TENM2: variants seen among roughly 807,000 people sequenced by gnomAD.
TENM2 encodes the protein teneurin transmembrane protein 2.
A neutral mutation model predicts 245.2 loss-of-function variants in TENM2; 52 were observed. That is an observed-to-expected ratio of 0.21 (90% confidence interval 0.17 to 0.27). TENM2 has a LOEUF of 0.27. Among genes scored for constraint, TENM2 ranks in the 10% least tolerant of loss-of-function variants. The pLI is 1.00. For missense variants in TENM2, 3,046 were observed against 3,666.8 expected (o/e 0.83, Z 4.37); for synonymous variants, 1,363 against 1,438.9 (o/e 0.95, Z 1.19).
chr5:168,237,500 C>T (rs1765609968), intron 25 of TENM2, among the ~76,000 whole-genome samples: 1 of 151,974 alleles, frequency 6.6e-6, no homozygotes. Context: ...CACCAGTTCC[C>T]AGGCTATTAC....
At chr5:168,099,348 A>C (rs899191107) in intron 9 of TENM2, among the ~76,000 whole-genome samples, 22 of 152,126 alleles carry the variant, frequency 1.4e-4, no homozygotes, top group Admixed American at 8.5e-4. Context: ...TTCCAATCCC[A>C]GCTCTGCCAT....
the TENM2 span, among the ~76,000 whole-genome samples, chr5:167,031,232 C>G: frequency 6.6e-6 from 1 of 152,220 alleles, no homozygotes; most frequent in African/African-American, 2.4e-5. Context: ...TGGGAACATT[C>G]ATTAGACGTG....
At chr5:168,111,449 C>T (rs1178313239) in intron 9 of TENM2, among the ~76,000 whole-genome samples, 1 of 152,090 alleles carries the variant, frequency 6.6e-6, no homozygotes, top group Non-Finnish European at 1.5e-5. Context: ...TGGGGGAGGG[C>T]TGTTCAGGTC....
At chr5:167,848,356 G>A (rs943608505) in intron 2 of TENM2, among the ~76,000 whole-genome samples, 13 of 152,028 alleles carry the variant, frequency 8.6e-5, no homozygotes, top group Admixed American at 7.2e-4. Flanking sequence ...TGGGGTTTGT[G>A]GTAAAGTGGA....
the TENM2 span, among the ~76,000 whole-genome samples, chr5:167,143,479 G>A: frequency 4.6e-3 from 693 of 152,252 alleles, 6 homozygotes; most frequent in African/African-American, 0.016. Context: ...TCTGGAACTG[G>A]AAATCTGTTA....
At chr5:167,271,421 T>C in the TENM2 span, among the ~76,000 whole-genome samples, 3 of 152,088 alleles carry the variant, frequency 2.0e-5, no homozygotes, top group Non-Finnish European at 4.4e-5. Context: ...ATGCTGTCTT[T>C]CTTGAATGTT....
intron 2 of TENM2, among the ~76,000 whole-genome samples, chr5:167,582,398 T>A (rs1405213240): frequency 6.6e-6 from 1 of 152,234 alleles, no homozygotes; most frequent in Admixed American, 6.5e-5. Context: ...ATATGTTTTA[T>A]GTGTTTATAA....
At chr5:168,173,839 A>G (rs1759081637) in intron 13 of TENM2, among the ~76,000 whole-genome samples, 1 of 152,224 alleles carries the variant, frequency 6.6e-6, no homozygotes, top group African/African-American at 2.4e-5. Flanking sequence ...AAGACTTCCA[A>G]AATAGGTACA....
intron 2 of TENM2, among the ~76,000 whole-genome samples, chr5:167,670,972 T>C (rs1459076): frequency 0.35 from 52,931 of 152,024 alleles, 12,465 homozygotes; most frequent in East Asian, 0.91. Context: ...AAGTCCCCTG[T>C]CACCAAATTA....
chr5:167,721,326 C>A (rs952760300), intron 2 of TENM2: 2 of 151,728 alleles, frequency 1.3e-5, no homozygotes, highest in Non-Finnish European at 2.9e-5. Context: ...CTTACATATT[C>A]TTTTTTTCTA....
intron 4 of TENM2, among the ~76,000 whole-genome samples, chr5:167,991,164 C>A (rs1783634713): frequency 6.6e-6 from 1 of 152,184 alleles, no homozygotes; most frequent in South Asian, 2.1e-4. Flanking sequence ...GTAACTGACA[C>A]ATTGTGAGTG....
At chr5:167,811,691 G>A (rs4869072) in intron 2 of TENM2, among the ~76,000 whole-genome samples, 19,214 of 152,140 alleles carry the variant, frequency 0.13, 1,627 homozygotes, top group East Asian at 0.4. Flanking sequence ...TTATGCTGGA[G>A]GTTGCAGTTT....
chr5:167,695,522 G>A (rs1405638173), intron 2 of TENM2, among the ~76,000 whole-genome samples: 6 of 152,072 alleles, frequency 3.9e-5, no homozygotes, highest in Non-Finnish European at 8.8e-5. Flanking sequence ...GTCTCAGTGG[G>A]ATGCTAGACT....
chr5:167,252,933 G>A, the TENM2 span, among the ~76,000 whole-genome samples: 1 of 152,120 alleles, frequency 6.6e-6, no homozygotes, highest in Non-Finnish European at 1.5e-5. Context: ...AGCTCTCTGG[G>A]AAGAAGTTAA....
At chr5:168,227,272 G>A (rs1764286292) in intron 24 of TENM2, among the ~76,000 whole-genome samples, 1 of 152,194 alleles carries the variant, frequency 6.6e-6, no homozygotes, top group Admixed American at 6.5e-5. Flanking sequence ...CACATTATCA[G>A]CACCCACCCA....
At chr5:168,100,322 T>C (rs1330139140) in intron 9 of TENM2, among the ~76,000 whole-genome samples, 3 of 152,212 alleles carry the variant, frequency 2.0e-5, no homozygotes, top group Non-Finnish European at 4.4e-5. Context: ...GAAGATAGTG[T>C]GGCGATTCCT....
At chr5:167,175,008 T>A in the TENM2 span, among the ~76,000 whole-genome samples, 2 of 152,162 alleles carry the variant, frequency 1.3e-5, no homozygotes, top group African/African-American at 4.8e-5. Context: ...ATCTTTTTCT[T>A]TTTTAAAACC....
chr5:168,133,041 A>C (rs955612758), intron 12 of TENM2, among the ~76,000 whole-genome samples: 1 of 152,212 alleles, frequency 6.6e-6, no homozygotes, highest in African/African-American at 2.4e-5. Flanking sequence ...TACATTTTGT[A>C]TATCCTGGAG....
rs192150249 is a variant in TENM2 at position 168,216,620 on chromosome 5, C to G, written c.4079-148C>G. The G allele has an allele frequency of 9.8e-6, 7 of 717,574 alleles. No homozygotes were observed. In the Admixed American group the frequency reaches 1.6e-4, roughly 17 times the overall value. 44.5% of individuals were successfully genotyped at this position (717,574 alleles called of 1,614,324 possible). On this transcript the variant is annotated intron_variant, in intron 21 of 28. Coordinates refer to ENST00000518659, the Ensembl canonical transcript of TENM2. ...TGGGAAAGGATCTTGCGTTAGAAGGCTGAGAACCACTGCTCTGAGGGTACT... is the reference window on the plus strand; with the variant it reads ...TGGGAAAGGATCTTGCGTTAGAAGGGTGAGAACCACTGCTCTGAGGGTACT...
Sources: gnomAD v4.1 joint callset for allele counts (sites outside exome capture counted in the v4.1 genomes callset) on GRCh38, gnomAD v4.1.1 for gene constraint, MANE v1.5 for transcripts, NCBI Gene and HGNC (gene_info 2026-07-23, HGNC 2026-07-21) for gene names.